The following TRAM1 variants were observed in gnomAD, a reference collection of about 807,000 sequenced individuals.
The protein encoded by TRAM1 is translocation associated membrane protein 1, also known as translocating chain-associated membrane protein 1.
Under a neutral mutation model 48.7 loss-of-function variants are expected in TRAM1, and 17 were observed. The observed-to-expected ratio is 0.35, with a 90% CI of 0.24 to 0.52. TRAM1 has a LOEUF of 0.52. Ranked by LOEUF, TRAM1 falls within the 20% of genes least tolerant of loss-of-function variation. The probability of loss-of-function intolerance (pLI) is 0.94; values close to 1 mark genes in which losing one functional copy is unlikely to be tolerated. For synonymous variants in TRAM1, 182 were observed against 154.0 expected, an observed-to-expected ratio of 1.18 and a Z score of -1.34; for missense variants, 351 against 441.5, an observed-to-expected ratio of 0.79 and a Z score of 1.84.
intron 8 of TRAM1, among the ~76,000 whole-genome samples, chr8:70,584,814 T>C (rs1250714941): frequency 1.3e-5 from 2 of 152,076 alleles, no homozygotes; most frequent in African/African-American, 4.8e-5. Context: ...TCCATGCTCA[T>C]GAGTAGGAAG....
At chr8:70,585,262 T>C (rs1216286998) in intron 8 of TRAM1, among the ~76,000 whole-genome samples, 2 of 152,018 alleles carry the variant, frequency 1.3e-5, no homozygotes, top group Non-Finnish European at 2.9e-5. Context: ...TTACACCTTA[T>C]ACAAAAATTA....
At chr8:70,607,964 A>C in intron 1 of TRAM1, 113 bp downstream of exon 1, 1 of 1,350,456 alleles carries the variant, frequency 7.4e-7, no homozygotes, top group South Asian at 1.5e-5. Context: ...GTCTGCACCC[A>C]CCCCGGGCCC....
At chr8:70,593,266 A>T (rs953041234) in intron 6 of TRAM1, among the ~76,000 whole-genome samples, 1 of 152,168 alleles carries the variant, frequency 6.6e-6, no homozygotes, top group African/African-American at 2.4e-5. Flanking sequence ...ACAGTAGGAA[A>T]TCAAGTGCCT....
At chr8:70,603,315 C>T (rs62531709) in intron 1 of TRAM1, among the ~76,000 whole-genome samples, 8 of 72,626 alleles carry the variant, frequency 1.1e-4, no homozygotes, top group African/African-American at 2.7e-4. Flanking sequence ...CACACACACA[C>T]ACACACACAC....
intron 4 of TRAM1, among the ~76,000 whole-genome samples, chr8:70,596,750 G>T (rs183641767): frequency 4.0e-5 from 6 of 148,336 alleles, no homozygotes; most frequent in Non-Finnish European, 7.4e-5. Context: ...ATGGAATTAC[G>T]TCAATAAAAT....
intron 10 of TRAM1, among the ~76,000 whole-genome samples, chr8:70,578,405 T>G (rs537338790): frequency 2.0e-5 from 3 of 152,188 alleles, no homozygotes; most frequent in African/African-American, 7.2e-5. Context: ...TTGAGACTGG[T>G]GGGCAGATCA....
Position 70,593,400 on chromosome 8 carries a change from TA to T in TRAM1, c.570+1105del, listed in dbSNP as rs751388042. 7.1e-3 allele frequency among the ~76,000 whole-genome samples: 952 copies of T among 133,778 alleles called. 2 individuals carry two copies. Among genetic ancestry groups the T allele is most frequent in the African/African-American group, 0.011 (394 of 36,528 alleles). 87.8% of individuals were successfully genotyped at this position (133,778 alleles called of 152,430 possible). A position where few individuals can be genotyped will look rare whatever the true frequency, so the allele number is the denominator to read the frequency against. ...TCACTCCAGGTTTCTCAAAGGGGATTAAAAAAAAAAAAAAGAAATTTTAAAT... is the reference window on the plus strand; with the variant it reads ...TCACTCCAGGTTTCTCAAAGGGGATTAAAAAAAAAAAAAGAAATTTTAAAT... On this transcript the variant is annotated intron_variant, in intron 6 of 10. Coordinates refer to ENST00000262213, the MANE Select transcript of TRAM1 (RefSeq NM_014294.6).
In TRAM1 at chr8:70,608,323, G is replaced by T. The variant is rs1205998422; in HGVS notation, c.-124C>A. On this transcript the variant is annotated 5_prime_UTR_variant, in exon 1 of 11. Transcript: ENST00000262213. ...GGCCCCGCTGCAGCCGCTCGCTGGGGCTTCACTTCCCATCCCACAGCCAGT... is the reference window on the plus strand; with the variant it reads ...GGCCCCGCTGCAGCCGCTCGCTGGGTCTTCACTTCCCATCCCACAGCCAGT... 38 of 1,319,578 alleles carry T rather than the reference G, an allele frequency of 2.9e-5. No homozygotes were observed. The highest frequency in any genetic ancestry group is 3.8e-5 in the Non-Finnish European group (38 of 1,001,754). The allele number at this position is 1,319,578 out of a possible 1,614,324, so 81.7% of individuals were successfully genotyped here.
intron 6 of TRAM1, among the ~76,000 whole-genome samples, chr8:70,591,004 T>TAC (rs763918840): frequency 0.061 from 8,637 of 140,822 alleles, 338 homozygotes; most frequent in Non-Finnish European, 0.087. Flanking sequence ...ACAACAATAA[T>TAC]AATAAAAAAA....
chr8:70,603,054 T>C (rs1171505487), intron 1 of TRAM1, among the ~76,000 whole-genome samples: 5 of 152,088 alleles, frequency 3.3e-5, no homozygotes, highest in African/African-American at 1.2e-4. Context: ...CTGGGTTAGA[T>C]ATGAAGGTCT....
At chr8:70,587,038 T>G in intron 7 of TRAM1, 39 bp from the exon 8 acceptor site, 1 of 1,608,456 alleles carries the variant, frequency 6.2e-7, no homozygotes, top group Non-Finnish European at 8.5e-7. Flanking sequence ...ATATTAATTA[T>G]CAATTAAGAC....
Position 70,598,122 on chromosome 8 carries a change from C to G in TRAM1, c.309+12G>C, listed in dbSNP as rs1373695950. ...CTTTATAAAGTATAGATTTCTAAGA[C>G]TGCATACTTACATCCAACATATACT... On this transcript the variant is annotated intron_variant, in intron 3 of 10. Coordinates refer to ENST00000262213, the MANE Select transcript of TRAM1 (RefSeq NM_014294.6). 3 of 1,608,652 alleles carry G rather than the reference C, an allele frequency of 1.9e-6. No homozygotes were observed. In the South Asian group the frequency reaches 3.3e-5, roughly 18 times the overall value.
intron 8 of TRAM1, among the ~76,000 whole-genome samples, chr8:70,584,399 T>C (rs1817158262): frequency 6.6e-6 from 1 of 152,118 alleles, no homozygotes; most frequent in Admixed American, 6.5e-5. Context: ...CTCTCACCAC[T>C]CCTATTCAAC....
intron 1 of TRAM1, 34 bp from the exon 2 acceptor site, chr8:70,600,116 T>C (rs1817575207): frequency 6.4e-7 from 1 of 1,556,696 alleles, no homozygotes; most frequent in Non-Finnish European, 8.9e-7. Context: ...TCAAGTCAAT[T>C]TGTGACCCTC....
intron 6 of TRAM1, among the ~76,000 whole-genome samples, chr8:70,593,761 G>A (rs541418845): frequency 3.3e-5 from 5 of 152,204 alleles, no homozygotes; most frequent in African/African-American, 1.2e-4. Context: ...AGAGGTCCCC[G>A]AGAAAAGATG....
In TRAM1 at chr8:70,607,261, G is replaced by C. The variant is rs1817758425; in HGVS notation, c.123+816C>G. Reference sequence around the variant, plus strand: ...TCAAAATACTAGATACGTGGGAAGAGAATTTACACACTCCTGACATTCCCA... The same window carrying C: ...TCAAAATACTAGATACGTGGGAAGACAATTTACACACTCCTGACATTCCCA... On this transcript the variant is annotated intron_variant, in intron 1 of 10. Coordinates refer to ENST00000262213, the MANE Select transcript of TRAM1 (RefSeq NM_014294.6). 4 of 985,104 alleles carry C rather than the reference G, an allele frequency of 4.1e-6. No individual in the cohort carries two copies. In the Middle Eastern group the frequency reaches 1.6e-3, roughly 386 times the overall value. 61.0% of individuals were successfully genotyped at this position (985,104 alleles called of 1,614,324 possible). A position where few individuals can be genotyped will look rare whatever the true frequency, so the allele number is the denominator to read the frequency against.
At chr8:70,577,239 G>A (rs1461794482) in intron 10 of TRAM1, among the ~76,000 whole-genome samples, 1 of 152,178 alleles carries the variant, frequency 6.6e-6, no homozygotes, top group African/African-American at 2.4e-5. Context: ...GGCATGACCA[G>A]CCTAGGCACC....
chr8:70,584,426 T>C (rs1817158737), intron 8 of TRAM1, among the ~76,000 whole-genome samples: 1 of 152,182 alleles, frequency 6.6e-6, no homozygotes, highest in Non-Finnish European at 1.5e-5. Flanking sequence ...TTGGAAGTTC[T>C]GGCCAGGGCA....
chr8:70,589,239 A>C (rs7011101), intron 6 of TRAM1, among the ~76,000 whole-genome samples: 18,541 of 152,226 alleles, frequency 0.12, 1,324 homozygotes, highest in African/African-American at 0.19. Context: ...TGGAAGAGAG[A>C]AGTATCTCTG....
Sources: allele counts gnomAD v4.1 joint callset (sites outside exome capture counted in the v4.1 genomes callset), GRCh38; gene constraint gnomAD v4.1.1; transcripts MANE v1.5; gene names NCBI Gene and HGNC (gene_info 2026-07-23, HGNC 2026-07-21).